SSUH2: variants seen among roughly 807,000 people sequenced by gnomAD.
SSUH2 encodes the protein protein SSUH2 homolog.
A neutral mutation model predicts 55.3 loss-of-function variants in SSUH2; 47 were observed. That is an observed-to-expected ratio of 0.85 (90% CI 0.67 to 1.08). The LOEUF (loss-of-function observed/expected upper bound fraction) is 1.08. Ranked by LOEUF, SSUH2 falls within the 50% of genes least tolerant of loss-of-function variation. The probability of loss-of-function intolerance (pLI) is 0.00; values close to 1 mark genes in which losing one functional copy is unlikely to be tolerated. For synonymous variants in SSUH2, 212 were observed against 191.5 expected, an observed-to-expected ratio of 1.11 and a Z score of -0.89; for missense variants, 535 against 490.7, an observed-to-expected ratio of 1.09 and a Z score of -0.85.
chr3:8,655,641 C>T (rs755321085), intron 7 of SSUH2, among the ~76,000 whole-genome samples: 4 of 152,218 alleles, frequency 2.6e-5, no homozygotes, highest in Non-Finnish European at 4.4e-5. Context: ...ACTTGGAACT[C>T]GTTATGCACA....
intron 6 of SSUH2, chr3:8,659,816 G>A: frequency 2.2e-6 from 1 of 456,092 alleles, no homozygotes; most frequent in Non-Finnish European, 4.4e-6. Context: ...AGTCAGAAGA[G>A]AGAGAGATAG....
At position 8,623,684 on chromosome 3, in the gene SSUH2, C is replaced by A. The variant is rs1363686703; in HGVS notation, c.874-28G>T. The A allele has an allele frequency of 3.2e-6, 4 of 1,245,494 alleles. No homozygotes were observed. The African/African-American group carries it at 6.0e-5, about 19-fold the overall frequency. 77.2% of individuals were successfully genotyped at this position (1,245,494 alleles called of 1,614,324 possible). A position where few individuals can be genotyped will look rare whatever the true frequency, so the allele number is the denominator to read the frequency against. On this transcript the variant is annotated intron_variant, in intron 10 of 11. Coordinates refer to ENST00000544814, the MANE Select transcript of SSUH2 (RefSeq NM_001256748.3). The stretch of plus-strand genomic sequence containing the variant: ...GGGGGAAAGAGAGAGAGACACAGAC[C>A]ACCTGGCTGCCGCACCTGGAGCCTT...
rs971630721 is a variant in SSUH2 at position 8,639,899 on chromosome 3, G to A, written c.29-4042C>T. ...ATGGCATTCAACACTTAAACAAAGA[G>A]TGGGAATCCAACAGGCACACGTAAG... On this transcript the variant is annotated intron_variant, in intron 1 of 11. Transcript: ENST00000544814. 5.4e-6 allele frequency: 5 copies of A among 930,462 alleles called. No homozygotes were observed. In the African/African-American group the frequency reaches 7.2e-5, roughly 13 times the overall value. The allele number at this position is 930,462 out of a possible 1,614,324, so 57.6% of individuals were successfully genotyped here.
chr3:8,679,062 C>A lies in SSUH2; in HGVS notation c.-901+643G>T, dbSNP rs1452753450. ...GACACCAAACGCAGGGGAGGAAGCA[C>A]CCCCCGCGAGGCGGGGACTGAGAGC... On this transcript the variant is annotated intron_variant, in intron 2 of 18. Transcript: ENST00000317371. 3.9e-4 allele frequency among the ~76,000 whole-genome samples: 43 copies of A among 109,180 alleles called. 6 individuals carry two copies. Among genetic ancestry groups the A allele is most frequent in the African/African-American group, 1.3e-3 (42 of 32,730 alleles). 71.6% of individuals were successfully genotyped at this position (109,180 alleles called of 152,430 possible).
chr3:8,680,056 C>G (rs1284730508), intron 1 of SSUH2, among the ~76,000 whole-genome samples: 1 of 152,074 alleles, frequency 6.6e-6, no homozygotes. Flanking sequence ...CTGGGGCTAC[C>G]CGATCTGACA....
At chr3:8,676,836 C>G (rs1035770496) in intron 3 of SSUH2, among the ~76,000 whole-genome samples, 1 of 148,576 alleles carries the variant, frequency 6.7e-6, no homozygotes, top group African/African-American at 2.5e-5. Flanking sequence ...CCCCTCTTCC[C>G]CACCTGGCCC....
intron 3 of SSUH2, among the ~76,000 whole-genome samples, chr3:8,676,005 T>C (rs993375556): frequency 2.6e-5 from 4 of 152,140 alleles, no homozygotes; most frequent in African/African-American, 7.2e-5. Context: ...TGGCAGCAAC[T>C]GCCCTGCTAG....
chr3:8,622,605 T>C (rs139429107), intron 11 of SSUH2, among the ~76,000 whole-genome samples: 2,086 of 152,282 alleles, frequency 0.014, 30 homozygotes, highest in South Asian at 0.028. Context: ...CTGGTAGGCA[T>C]GTAAGTTTGC....
intron 7 of SSUH2, among the ~76,000 whole-genome samples, chr3:8,629,017 A>G (rs1024542796): frequency 6.6e-6 from 1 of 151,982 alleles, no homozygotes. Context: ...CACCATGCCC[A>G]GCTAATTTTT....
intron 1 of SSUH2, among the ~76,000 whole-genome samples, chr3:8,636,649 T>A (rs1003872674): frequency 6.6e-6 from 1 of 152,212 alleles, no homozygotes; most frequent in South Asian, 2.1e-4. Context: ...TGGAGCCACA[T>A]GGAGTCTGAG....
At chr3:8,676,743 C>T (rs1326588858) in intron 3 of SSUH2, among the ~76,000 whole-genome samples, 6 of 149,540 alleles carry the variant, frequency 4.0e-5, no homozygotes, top group Non-Finnish European at 7.4e-5. Flanking sequence ...TACTATCATT[C>T]TCTCCCCCTC....
At chr3:8,637,299 A>T (rs1430571136) in intron 1 of SSUH2, among the ~76,000 whole-genome samples, 1 of 152,222 alleles carries the variant, frequency 6.6e-6, no homozygotes, top group Non-Finnish European at 1.5e-5. Context: ...TGAAAAAATC[A>T]TTCACTACGT....
intron 5 of SSUH2, among the ~76,000 whole-genome samples, chr3:8,664,581 G>T (rs141069578): frequency 6.6e-6 from 1 of 152,076 alleles, no homozygotes; most frequent in Non-Finnish European, 1.5e-5. Flanking sequence ...TGAGAAACTC[G>T]ACCATCTCAT....
intron 3 of SSUH2, 47 bp downstream of exon 3, chr3:8,635,253 G>C: frequency 6.8e-7 from 1 of 1,467,918 alleles, no homozygotes; most frequent in Non-Finnish European, 9.2e-7. Flanking sequence ...AGGGGCAATA[G>C]TGACATAGGA....
rs13322690 is a variant in SSUH2 at position 8,670,236 on chromosome 3, G to A, written c.-455+762C>T. Among the ~76,000 whole-genome samples, 703 of 152,228 alleles carry A rather than the reference G, an allele frequency of 4.6e-3. 3 individuals are homozygous for A. The highest frequency in any genetic ancestry group is 0.016 in the African/African-American group (664 of 41,530). On this transcript the variant is annotated intron_variant, in intron 5 of 18. Coordinates refer to the SSUH2 transcript ENST00000317371. The stretch of plus-strand genomic sequence containing the variant: ...ATGAGGATGGTCATGTGGCGGAGAG[G>A]GGTGTTTTTGTGTACCAGCCTTTCA...
At chr3:8,649,337 G>A (rs973959463), upstream of SSUH2, among the ~76,000 whole-genome samples, 3 of 152,124 alleles carry the variant, frequency 2.0e-5, no homozygotes, top group East Asian at 1.9e-4. Context: ...TCCCAGGAGC[G>A]GGCAAGGTGG....
At chr3:8,637,168 C>T (rs1056677716) in intron 1 of SSUH2, among the ~76,000 whole-genome samples, 3 of 152,210 alleles carry the variant, frequency 2.0e-5, no homozygotes, top group African/African-American at 7.2e-5. Flanking sequence ...TCCCACTCCA[C>T]CACTGCCTGG....
At chr3:8,654,023 A>G (rs557914486) in intron 7 of SSUH2, among the ~76,000 whole-genome samples, 2 of 152,326 alleles carry the variant, frequency 1.3e-5, no homozygotes, top group Admixed American at 1.3e-4. Flanking sequence ...CTGCCATGAC[A>G]ACAGACTGGT....
intron 6 of SSUH2, among the ~76,000 whole-genome samples, chr3:8,661,743 G>A (rs899351004): frequency 2.0e-5 from 3 of 152,222 alleles, no homozygotes; most frequent in African/African-American, 4.8e-5. Flanking sequence ...GAACAGCAAT[G>A]CTTAGCTTGG....
Sources: allele counts gnomAD v4.1 joint callset (sites outside exome capture counted in the v4.1 genomes callset), GRCh38; gene constraint gnomAD v4.1.1; transcripts MANE v1.5; gene names NCBI Gene and HGNC (gene_info 2026-07-23, HGNC 2026-07-21).